The following CACNA1G variants were observed in gnomAD, a reference collection of about 807,000 sequenced individuals.
CACNA1G encodes calcium voltage-gated channel subunit alpha1 G, also known as voltage-dependent T-type calcium channel subunit alpha-1G.
In CACNA1G, 67 loss-of-function variants were observed where a neutral mutation model predicts 219.4. The observed-to-expected ratio is 0.31, with a 90% CI of 0.25 to 0.37. The LOEUF is 0.37. Ranked by LOEUF, CACNA1G falls within the 10% of genes least tolerant of loss-of-function variation. The pLI, the probability that CACNA1G is intolerant of heterozygous loss-of-function variation, is 1.00. For missense variants in CACNA1G, 2,380 were observed against 3,231.4 expected, an observed-to-expected ratio of 0.74 and a Z score of 6.39; for synonymous variants, 1,296 against 1,345.3, an observed-to-expected ratio of 0.96 and a Z score of 0.80.
At chr17:50,590,965 T>C (rs1190973596) in intron 10 of CACNA1G, among the ~76,000 whole-genome samples, 1 of 151,918 alleles carries the variant, frequency 6.6e-6, no homozygotes, top group Non-Finnish European at 1.5e-5. Flanking sequence ...TTGGAAGAGG[T>C]ATGAGGCCCA....
chr17:50,605,090 C>A (rs1209509987), intron 22 of CACNA1G, among the ~76,000 whole-genome samples: 3 of 152,166 alleles, frequency 2.0e-5, no homozygotes, highest in Non-Finnish European at 4.4e-5. Flanking sequence ...TCTCTGTACA[C>A]CCTCCCCACT....
chr17:50,581,835 A>C (rs2042027421), intron 9 of CACNA1G, among the ~76,000 whole-genome samples: 1 of 152,278 alleles, frequency 6.6e-6, no homozygotes, highest in African/African-American at 2.4e-5. Context: ...TGGAGTCCAG[A>C]ACCTTTTTCC....
In CACNA1G at chr17:50,617,041, G is replaced by A. The variant is rs929178150; in HGVS notation, c.5022-397G>A. On this transcript the variant is annotated intron_variant, in intron 28 of 37. Coordinates refer to ENST00000359106, the MANE Select transcript of CACNA1G (RefSeq NM_018896.5). This position sits in a 1 kb window ranked among gnomAD's most constrained non-coding sequence, Gnocchi z 5.8. ...TATTTTTATTTTTAGTAGATACAGGGTCTCACTATGTTGCCCAGGCTGTTC... is the reference window on the plus strand; with the variant it reads ...TATTTTTATTTTTAGTAGATACAGGATCTCACTATGTTGCCCAGGCTGTTC... 3.3e-5 allele frequency among the ~76,000 whole-genome samples: 5 copies of A among 151,866 alleles called. No homozygotes were observed. The highest frequency in any genetic ancestry group is 1.3e-4 in the Admixed American group (2 of 15,244).
At chr17:50,589,822 C>T (rs1263389760) in intron 9 of CACNA1G, among the ~76,000 whole-genome samples, 1 of 152,106 alleles carries the variant, frequency 6.6e-6, no homozygotes, top group African/African-American at 2.4e-5. Context: ...TCAACTGTGA[C>T]AACCCTTCCT....
rs1291557237 is a variant in CACNA1G, at chr17:50,621,736, C to T, written c.6002C>T (p.Thr2001Met). ...VSEPSCSLAL[T>M]DDSLPDDMHT... ...GAACCGTCCTGCTCTCTAGCTCTGA[C>T]GGATGACTCTTTGCCTGATGACATG... Residue 2001 changes from threonine (T) to methionine (M), a missense_variant, in exon 35 of 38, where the codon ACG becomes ATG. Around this residue, in one of 17 missense-constraint regions of CACNA1G, gnomAD observed 672 missense variants for 670.5 expected, o/e 1.00. Coordinates refer to ENST00000359106, the MANE Select transcript of CACNA1G (RefSeq NM_018896.5). This position sits in a 1 kb window ranked among gnomAD's most constrained non-coding sequence, Gnocchi z 4.6. 7 of 1,613,982 alleles carry T rather than the reference C, an allele frequency of 4.3e-6. No homozygotes were observed. The highest frequency in any genetic ancestry group is 1.1e-5 in the South Asian group (1 of 91,082).
At chr17:50,590,443 C>G (rs2044049446) in intron 9 of CACNA1G, 28 bp from the exon 10 acceptor site, 1 of 1,612,546 alleles carries the variant, frequency 6.2e-7, no homozygotes, top group Non-Finnish European at 8.5e-7. Context: ...GATAAGCCAG[C>G]TGCCTCACAT....
At position 50,600,974 on chromosome 17, in the gene CACNA1G, C is replaced by A; in HGVS notation, c.3792-77C>A. On this transcript the variant is annotated intron_variant, in intron 18 of 37. Coordinates refer to ENST00000359106, the MANE Select transcript of CACNA1G (RefSeq NM_018896.5). The surrounding 1 kb of genome is among the most constrained non-coding windows in gnomAD (Gnocchi z 4.1). ...CTCAGCTGGGAGGGCACTGGAGGGGCAGGGGCTGCGGGCGGTGCCTCTCGT... is the reference window on the plus strand; with the variant it reads ...CTCAGCTGGGAGGGCACTGGAGGGGAAGGGGCTGCGGGCGGTGCCTCTCGT... The A allele has an allele frequency of 6.3e-7, 1 of 1,592,296 alleles. No homozygotes were observed. Among genetic ancestry groups the A allele is most frequent in the Admixed American group, 1.7e-5 (1 of 59,588 alleles).
At position 50,576,064 on chromosome 17, in the gene CACNA1G, C is replaced by T; in HGVS notation, c.1662C>T (p.His554=). 6.3e-7 allele frequency: 1 copy of T among 1,583,936 alleles called. No homozygotes were observed. The highest frequency in any genetic ancestry group is 1.2e-5 in the South Asian group (1 of 86,486). The change falls in exon 8 of 38, where the codon CAC becomes CAT. Residue 554 remains histidine (H), a synonymous_variant. Coordinates refer to ENST00000359106, the MANE Select transcript of CACNA1G (RefSeq NM_018896.5). The part of the protein sequence containing the change: ...GAPPGGAESV[H]SFYHADCHLE... ...CCCCTGGTGGCGCAGAGTCTGTGCA[C>T]AGCTTCTACCATGCCGACTGCCACT...
chr17:50,619,962 G>C (rs1270413039), intron 34 of CACNA1G, 136 bp downstream of exon 34: 1 of 865,312 alleles, frequency 1.2e-6, no homozygotes, highest in East Asian at 2.7e-5. Flanking sequence ...AGCCTCAGTT[G>C]AGTGCAAGAG....
At chr17:50,569,081 C>A (rs2038764396) in intron 2 of CACNA1G, 84 bp from the exon 3 acceptor site, 1 of 1,563,484 alleles carries the variant, frequency 6.4e-7, no homozygotes, top group Non-Finnish European at 8.7e-7. Flanking sequence ...GAGGCCCTGA[C>A]CCAACTGGTG....
Position 50,596,752 on chromosome 17 carries a change from G to T in CACNA1G, c.3087G>T (p.Pro1029=), listed in dbSNP as rs746507592. The change falls in exon 16 of 38, where the codon CCG becomes CCT. Residue 1029 remains proline (P), a synonymous_variant. Coordinates refer to ENST00000359106, the MANE Select transcript of CACNA1G (RefSeq NM_018896.5). The surrounding 1 kb of genome is among the most constrained non-coding windows in gnomAD (Gnocchi z 4.8). ...CAGTGGTGTCCCTGGGAGAGCACCC[G>T]GAGCTGCGGAAGAGCCTGCTGCCGC... The part of the protein sequence containing the change: ...CLALVSLGEH[P]ELRKSLLPPL... 7 of 1,613,328 alleles carry T rather than the reference G, an allele frequency of 4.3e-6. No individual in the cohort carries two copies. The South Asian group carries it at 7.7e-5, about 18-fold the overall frequency.
rs1470489631 is a variant in CACNA1G, at chr17:50,621,730, C to T, written c.5996C>T (p.Ala1999Val). Residue 1999 changes from alanine to valine, a missense_variant, in exon 35 of 38, where the codon GCT (alanine) becomes GTT (valine). Ala to Val is a moderately conservative substitution (Grantham distance 64, BLOSUM62 0). Around this residue, in one of 17 missense-constraint regions of CACNA1G, gnomAD observed 672 missense variants for 670.5 expected, o/e 1.00. Transcript: ENST00000359106. The surrounding 1 kb of genome is among the most constrained non-coding windows in gnomAD (Gnocchi z 4.6). ...EIVSEPSCSLALTDDSLPDDM... is the reference protein window; with the variant it reads ...EIVSEPSCSLVLTDDSLPDDM... ...GTGTCTGAACCGTCCTGCTCTCTAG[C>T]TCTGACGGATGACTCTTTGCCTGAT... 6.2e-7 allele frequency: 1 copy of T among 1,613,946 alleles called. No individual in the cohort carries two copies. The highest frequency in any genetic ancestry group is 1.3e-5 in the African/African-American group (1 of 75,050).
chr17:50,584,380 CG>C (rs1201645226), intron 9 of CACNA1G, among the ~76,000 whole-genome samples: 1 of 151,772 alleles, frequency 6.6e-6, no homozygotes, highest in East Asian at 1.9e-4. Flanking sequence ...TGCTCAGGGT[CG>C]GGGAAGCCAA....
In CACNA1G at chr17:50,576,092, G is replaced by C. The variant is rs1387895412; in HGVS notation, c.1690G>C (p.Glu564Gln). 8 of 1,591,830 alleles carry C rather than the reference G, an allele frequency of 5.0e-6. No individual in the cohort carries two copies. The highest frequency in any genetic ancestry group is 6.8e-6 in the Non-Finnish European group (8 of 1,170,264). ...HSFYHADCHL[E>Q]PVRCQAPPPR... The stretch of plus-strand genomic sequence containing the variant: ...CTTCTACCATGCCGACTGCCACTTA[G>C]AGCCAGTCCGCTGCCAGGCGCCCCC... Residue 564 changes from glutamate (E) to glutamine (Q), a missense_variant, in exon 8 of 38, where the codon GAG (glutamate) becomes CAG (glutamine). Transcript: ENST00000359106.
At chr17:50,579,960 T>C (rs1038799503) in intron 9 of CACNA1G, among the ~76,000 whole-genome samples, 1 of 152,100 alleles carries the variant, frequency 6.6e-6, no homozygotes, top group African/African-American at 2.4e-5. Context: ...CCCACACCAC[T>C]GACCTCTGCA....
rs2051085709 is a variant in CACNA1G at position 50,618,689 on chromosome 17, G to T, written c.5462G>T (p.Cys1821Phe). ...TLRDCDQEST[C>F]YNTVISPIYF... is the part of the protein sequence containing the mutation. ...CGGGACTGTGACCAGGAGTCCACCT[G>T]CTACAACACGGTCATCTCGCCTATC... Residue 1821 changes from cysteine to phenylalanine, a missense_variant, in exon 33 of 38, where the codon TGC becomes TTC. Around this residue, in one of 17 missense-constraint regions of CACNA1G, gnomAD observed 33 missense variants for 70.2 expected, o/e 0.47. Coordinates refer to ENST00000359106, the MANE Select transcript of CACNA1G (RefSeq NM_018896.5). This position sits in a 1 kb window ranked among gnomAD's most constrained non-coding sequence, Gnocchi z 5.3. 6.2e-7 allele frequency: 1 copy of T among 1,613,802 alleles called. No individual in the cohort carries two copies. The highest frequency in any genetic ancestry group is 1.1e-5 in the South Asian group (1 of 91,074).
intron 9 of CACNA1G, among the ~76,000 whole-genome samples, chr17:50,580,143 G>A (rs1007068755): frequency 1.3e-5 from 2 of 152,238 alleles, no homozygotes; most frequent in South Asian, 4.1e-4. Context: ...GCCAGCGGGT[G>A]GGCGCACTTG....
chr17:50,562,501 C>G (rs751076529), intron 1 of CACNA1G, among the ~76,000 whole-genome samples: 8 of 152,032 alleles, frequency 5.3e-5, no homozygotes, highest in Non-Finnish European at 1.2e-4. Context: ...GATCTCCATT[C>G]GATGCAGGGT....
In CACNA1G at chr17:50,572,454, C is replaced by T. The variant is rs564587461; in HGVS notation, c.747-100C>T. On this transcript the variant is annotated intron_variant, in intron 5 of 37. Coordinates refer to ENST00000359106, the MANE Select transcript of CACNA1G (RefSeq NM_018896.5). ...CATTCTTGGTTCTGCCCTGCTCACCCTATATGCCTCGAGCACTCGTGCCAT... is the reference window on the plus strand; with the variant it reads ...CATTCTTGGTTCTGCCCTGCTCACCTTATATGCCTCGAGCACTCGTGCCAT... 2.2e-5 allele frequency: 23 copies of T among 1,026,616 alleles called. No individual in the cohort carries two copies. The East Asian group carries it at 5.2e-4, about 23-fold the overall frequency. The allele number at this position is 1,026,616 out of a possible 1,614,324, so 63.6% of individuals were successfully genotyped here. A position where few individuals can be genotyped will look rare whatever the true frequency, so the allele number is the denominator to read the frequency against.
Sources: allele counts gnomAD v4.1 joint callset (sites outside exome capture counted in the v4.1 genomes callset), GRCh38; gene constraint gnomAD v4.1.1; regional missense constraint gnomAD v4.1.1; non-coding constraint Gnocchi (gnomAD v3.1); transcripts MANE v1.5; gene names NCBI Gene and HGNC (gene_info 2026-07-23, HGNC 2026-07-21).